Variants in PTPRN2 observed in about 807,000 individuals in gnomAD.
The protein encoded by PTPRN2 is receptor-type tyrosine-protein phosphatase N2.
A neutral mutation model predicts 118.8 loss-of-function variants in PTPRN2; 74 were observed. That is an observed-to-expected ratio of 0.62 (90% CI 0.52 to 0.76). The LOEUF (loss-of-function observed/expected upper bound fraction) is 0.76, where lower values mean the gene tolerates loss of function less well. PTPRN2 is among the 30% of genes least tolerant of loss of function. The pLI is 0.00. For synonymous variants in PTPRN2, 641 were observed against 608.0 expected (o/e 1.05, Z -0.80); for missense variants, 1,481 against 1,394.4 (o/e 1.06, Z -0.99).
At chr7:158,012,131 G>C (rs2128869420) in intron 11 of PTPRN2, among the ~76,000 whole-genome samples, 1 of 152,314 alleles carries the variant, frequency 6.6e-6, no homozygotes, top group East Asian at 1.9e-4. Flanking sequence ...CCTTGGCTGA[G>C]AGAGTCCCAC....
At chr7:157,906,053 C>T (rs1797753945) in intron 11 of PTPRN2, among the ~76,000 whole-genome samples, 1 of 152,238 alleles carries the variant, frequency 6.6e-6, no homozygotes, top group East Asian at 1.9e-4. Flanking sequence ...TTGGGGACCT[C>T]TGTGGACTCT....
At chr7:157,749,802 G>A (rs1438407521) in intron 12 of PTPRN2, among the ~76,000 whole-genome samples, 3 of 143,718 alleles carry the variant, frequency 2.1e-5, no homozygotes, top group African/African-American at 2.6e-5. Context: ...TCCCTCAGCT[G>A]TGGGGTGCCT....
chr7:157,939,424 C>T (rs1215435829), intron 11 of PTPRN2, among the ~76,000 whole-genome samples: 3 of 152,238 alleles, frequency 2.0e-5, no homozygotes, highest in East Asian at 1.9e-4. Flanking sequence ...GAGACCAGGC[C>T]TCTGGCTGCA....
chr7:158,437,540 G>C (rs909574910), intron 2 of PTPRN2, among the ~76,000 whole-genome samples: 3 of 152,030 alleles, frequency 2.0e-5, no homozygotes, highest in African/African-American at 7.2e-5. Context: ...CCAGATCGAG[G>C]GTAGATCCCC....
intron 1 of PTPRN2, among the ~76,000 whole-genome samples, chr7:158,515,150 C>T (rs375077415): frequency 1.3e-5 from 2 of 150,472 alleles, no homozygotes; most frequent in South Asian, 2.1e-4. Flanking sequence ...ACAAAGCGGC[C>T]GCGTGCACCA....
intron 1 of PTPRN2, among the ~76,000 whole-genome samples, chr7:158,518,123 C>T (rs1278962380): frequency 6.6e-6 from 1 of 152,220 alleles, no homozygotes; most frequent in African/African-American, 2.4e-5. Context: ...GTGGGTTTAT[C>T]TCAGTTACTG....
At chr7:158,142,550 T>C (rs747197373) in intron 6 of PTPRN2, among the ~76,000 whole-genome samples, 1 of 152,156 alleles carries the variant, frequency 6.6e-6, no homozygotes, top group Non-Finnish European at 1.5e-5. Context: ...GGGATTGGCA[T>C]GGAGGCCGCG....
chr7:158,087,025 CA>C (rs2128938400), intron 10 of PTPRN2, among the ~76,000 whole-genome samples: 1 of 152,300 alleles, frequency 6.6e-6, no homozygotes, highest in East Asian at 1.9e-4. Flanking sequence ...ATTTACCCTG[CA>C]AAATCGGGGG....
intron 14 of PTPRN2, among the ~76,000 whole-genome samples, chr7:157,626,440 G>T (rs923502403): frequency 6.6e-6 from 1 of 152,004 alleles, no homozygotes; most frequent in Non-Finnish European, 1.5e-5. Flanking sequence ...GTAATGAACC[G>T]ACCCAGACTT....
chr7:158,070,937 G>A (rs1218516986), intron 11 of PTPRN2, among the ~76,000 whole-genome samples: 1 of 131,636 alleles, frequency 7.6e-6, no homozygotes, highest in Non-Finnish European at 1.6e-5. Context: ...TGCTCCTGGT[G>A]GTGGAGGTGC....
At chr7:158,123,466 T>C (rs73512379) in intron 9 of PTPRN2, among the ~76,000 whole-genome samples, 88 of 152,300 alleles carry the variant, frequency 5.8e-4, no homozygotes, top group African/African-American at 2.0e-3. Context: ...ACTCTCTTCC[T>C]GCAGGAGTCT....
chr7:158,321,188 C>T (rs1802986465), intron 2 of PTPRN2, among the ~76,000 whole-genome samples: 1 of 152,092 alleles, frequency 6.6e-6, no homozygotes, highest in Admixed American at 6.5e-5. Flanking sequence ...TGAGCTCCAC[C>T]GTCTCAGACG....
chr7:157,960,635 C>T (rs866082141), intron 11 of PTPRN2, among the ~76,000 whole-genome samples: 5 of 152,036 alleles, frequency 3.3e-5, no homozygotes, highest in Admixed American at 6.5e-5. Flanking sequence ...ATTATTCATC[C>T]GTTAAAATGA....
At chr7:158,264,862 T>C (rs1797767699) in intron 3 of PTPRN2, among the ~76,000 whole-genome samples, 1 of 152,186 alleles carries the variant, frequency 6.6e-6, no homozygotes, top group Non-Finnish European at 1.5e-5. Context: ...GGCACTTTCC[T>C]TGATGCCCGG....
intron 3 of PTPRN2, among the ~76,000 whole-genome samples, chr7:158,263,843 A>G (rs542482975): frequency 6.6e-6 from 1 of 152,164 alleles, no homozygotes; most frequent in African/African-American, 2.4e-5. Flanking sequence ...ATGTGAAAGC[A>G]AGGCTGCAAT....
intron 12 of PTPRN2, among the ~76,000 whole-genome samples, chr7:157,748,461 GGTGAT>G (rs1459079629): frequency 4.0e-5 from 6 of 150,416 alleles, no homozygotes; most frequent in African/African-American, 7.4e-5. Context: ...GGGGTGTCTG[GGTGAT>G]TCTGAGGCCT....
chr7:158,345,223 C>A (rs1807414230), intron 2 of PTPRN2, among the ~76,000 whole-genome samples: 1 of 152,158 alleles, frequency 6.6e-6, no homozygotes, highest in South Asian at 2.1e-4. Flanking sequence ...CTAAAGAAGT[C>A]ATCTGAGTGA....
At chr7:157,628,713 A>T (rs1390665461) in intron 14 of PTPRN2, among the ~76,000 whole-genome samples, 2 of 152,184 alleles carry the variant, frequency 1.3e-5, no homozygotes, top group Non-Finnish European at 2.9e-5. Context: ...GAGACACAGT[A>T]GAAGGTGTGT....
intron 10 of PTPRN2, among the ~76,000 whole-genome samples, chr7:158,095,511 T>G (rs1427549698): frequency 6.6e-6 from 1 of 152,150 alleles, no homozygotes; most frequent in East Asian, 1.9e-4. Flanking sequence ...AGGAGCACAC[T>G]GAGGCCAGGT....
Sources: allele counts gnomAD v4.1 joint callset (sites outside exome capture counted in the v4.1 genomes callset), GRCh38; gene constraint gnomAD v4.1.1; transcripts MANE v1.5; gene names NCBI Gene and HGNC (gene_info 2026-07-23, HGNC 2026-07-21).